The following FANCL variants were observed in gnomAD, a reference collection of about 807,000 sequenced individuals.
The protein encoded by FANCL is E3 ubiquitin-protein ligase FANCL.
FANCL carries 69 observed loss-of-function variants against 59.4 expected under a neutral mutation model. The observed-to-expected ratio is 1.16, with a 90% CI of 0.96 to 1.42. The LOEUF is 1.42. Ranked by LOEUF, FANCL falls within the 40% of genes most tolerant of loss-of-function variation. FANCL has a pLI of 0.00. For synonymous variants in FANCL, 180 were observed against 147.1 expected (o/e 1.22, Z -1.62); for missense variants, 519 against 447.2 (o/e 1.16, Z -1.45).
At chr2:58,187,220 G>A (rs10178325) in intron 7 of FANCL, among the ~76,000 whole-genome samples, 6,228 of 152,108 alleles carry the variant, frequency 0.041, 151 homozygotes, top group East Asian at 0.094. Flanking sequence ...ATACACCATG[G>A]AATACTATGC....
chr2:58,165,662 T>C, intron 8 of FANCL, 62 bp downstream of exon 8: 1 of 1,602,410 alleles, frequency 6.2e-7, no homozygotes, highest in East Asian at 2.2e-5. Flanking sequence ...CATTGTTAGA[T>C]TTATTTTCAT....
chr2:58,160,164 G>A lies in FANCL; in HGVS notation c.1036C>T (p.Leu346=), dbSNP rs1183254036. The A allele has an allele frequency of 6.2e-7, 1 of 1,612,820 alleles. No individual in the cohort carries two copies. The highest frequency in any genetic ancestry group is 1.1e-5 in the South Asian group (1 of 91,064). ...ICLYEWLRGL[L]TSRQSFNIIF... ...ATGTTAAAACTCTGTCTACTAGTTA[G>A]TAGTCCTCTCAGCCACTGCAAATTT... The change falls in exon 13 of 14, where the codon CTA becomes TTA. Residue 346 remains leucine (L), a synonymous_variant. Transcript: ENST00000233741.
At chr2:58,165,289 G>C (rs1326826113) in intron 8 of FANCL, among the ~76,000 whole-genome samples, 2 of 152,056 alleles carry the variant, frequency 1.3e-5, no homozygotes, top group Non-Finnish European at 2.9e-5. Flanking sequence ...TCAGTGGCAT[G>C]GTCTACTGCA....
At chr2:58,162,435 A>G (rs1316885839) in intron 11 of FANCL, among the ~76,000 whole-genome samples, 1 of 151,942 alleles carries the variant, frequency 6.6e-6, no homozygotes, top group African/African-American at 2.4e-5. Context: ...GACCATGAAA[A>G]AAGTATATAG....
At chr2:58,213,904 C>G (rs912036011) in intron 5 of FANCL, among the ~76,000 whole-genome samples, 3 of 152,152 alleles carry the variant, frequency 2.0e-5, no homozygotes, top group African/African-American at 7.2e-5. Context: ...GTGTGACTAT[C>G]TCCAGGTAGT....
intron 5 of FANCL, among the ~76,000 whole-genome samples, chr2:58,211,670 C>T (rs1197507297): frequency 6.7e-6 from 1 of 150,334 alleles, no homozygotes. Context: ...CCCAAGTCAC[C>T]TCTTCAATGT....
chr2:58,190,637 T>C (rs572778461), intron 7 of FANCL, among the ~76,000 whole-genome samples: 4 of 151,686 alleles, frequency 2.6e-5, no homozygotes, highest in Admixed American at 2.6e-4. Flanking sequence ...ATCAATGAAA[T>C]AAAAAAAGAT....
intron 7 of FANCL, among the ~76,000 whole-genome samples, chr2:58,181,923 C>T (rs565374294): frequency 6.6e-6 from 1 of 151,506 alleles, no homozygotes; most frequent in East Asian, 1.9e-4. Context: ...TAATAACTGG[C>T]CTTTTAAAAT....
At chr2:58,193,385 T>A (rs905943888) in intron 7 of FANCL, among the ~76,000 whole-genome samples, 1 of 152,126 alleles carries the variant, frequency 6.6e-6, no homozygotes, top group Non-Finnish European at 1.5e-5. Context: ...CCTCTTTCTC[T>A]TCTTTTTTAG....
rs1466664343 is a variant in FANCL at position 58,226,779 on chromosome 2, C to A, written c.222G>T (p.Met74Ile). ...AGCTCATTAGATCAGGAGAGTGCTG[C>A]ATTCTCTAGATCAAAATATTTCCAA... ...SGYHRIVQQR[M>I]QHSPDLMSFM... The change falls in exon 4 of 14, where the codon ATG becomes ATT. Residue 74 changes from methionine (M) to isoleucine (I), a missense_variant. Met to Ile is a conservative substitution (Grantham distance 10). Coordinates refer to ENST00000233741, the MANE Select transcript of FANCL (RefSeq NM_018062.4). The A allele has an allele frequency of 6.2e-7, 1 of 1,612,322 alleles. No homozygotes were observed. The highest frequency in any genetic ancestry group is 8.5e-7 in the Non-Finnish European group (1 of 1,178,718).
chr2:58,227,663 T>TTG (rs372127636), intron 3 of FANCL, among the ~76,000 whole-genome samples: 2 of 151,708 alleles, frequency 1.3e-5, no homozygotes. Flanking sequence ...GTCCAGCCAC[T>TTG]TGTGTGTGTG....
At chr2:58,218,882 G>A (rs529330955) in intron 5 of FANCL, among the ~76,000 whole-genome samples, 1 of 151,476 alleles carries the variant, frequency 6.6e-6, no homozygotes, top group African/African-American at 2.4e-5. Context: ...CCTTAATACA[G>A]ATATAAATGG....
chr2:58,232,889 T>C (rs990487608), intron 1 of FANCL, among the ~76,000 whole-genome samples: 1 of 152,002 alleles, frequency 6.6e-6, no homozygotes, highest in African/African-American at 2.4e-5. Flanking sequence ...AATCTTTTAC[T>C]CTAACAGAAT....
chr2:58,159,999 T>A, intron 13 of FANCL, 109 bp downstream of exon 13: 3 of 1,558,452 alleles, frequency 1.9e-6, no homozygotes, highest in Non-Finnish European at 2.6e-6. Flanking sequence ...ATACAGAGAA[T>A]GAGTTTCAAA....
At chr2:58,162,761 ATTTTTCTAATTCCCTCC>A (rs1685394019) in intron 11 of FANCL, 88 bp downstream of exon 11, 1 of 1,001,114 alleles carries the variant, frequency 1.0e-6, no homozygotes, top group Non-Finnish European at 1.6e-6. Flanking sequence ...GTGTTATAAT[ATTTTTCTAATTCCCTCC>A]TTTTTCAGCC....
At chr2:58,225,296 TTC>T (rs1042803557) in intron 4 of FANCL, among the ~76,000 whole-genome samples, 13 of 151,864 alleles carry the variant, frequency 8.6e-5, no homozygotes, top group African/African-American at 2.4e-4. Context: ...AAAAATTGGT[TTC>T]TGTTTTAAAA....
chr2:58,210,742 T>C (rs1321407069), intron 5 of FANCL, among the ~76,000 whole-genome samples: 1 of 152,116 alleles, frequency 6.6e-6, no homozygotes, highest in African/African-American at 2.4e-5. Flanking sequence ...ATGGGAGGAA[T>C]TGGCCAAAAC....
At chr2:58,225,031 C>T (rs1035975992) in intron 4 of FANCL, among the ~76,000 whole-genome samples, 6 of 151,410 alleles carry the variant, frequency 4.0e-5, no homozygotes, top group East Asian at 1.9e-4. Flanking sequence ...ATTACAGTTA[C>T]GGAATAAAAT....
Position 58,163,578 on chromosome 2 carries a change from AAAAT to A in FANCL, c.692-65_692-62del. ...AACAGCTCATCAAACAACCCAATAA[AAAAT>A]AAAGAGGTGTTGGTCTGGCTACCTA... On this transcript the variant is annotated intron_variant, in intron 8 of 13. Transcript: ENST00000233741. The A allele has an allele frequency of 4.8e-6, 5 of 1,044,854 alleles. No homozygotes were observed. In the East Asian group the frequency reaches 7.4e-5, roughly 16 times the overall value. The allele number at this position is 1,044,854 out of a possible 1,614,324, so 64.7% of individuals were successfully genotyped here. A position where few individuals can be genotyped will look rare whatever the true frequency, so the allele number is the denominator to read the frequency against.
Sources: allele counts gnomAD v4.1 joint callset (sites outside exome capture counted in the v4.1 genomes callset), GRCh38; gene constraint gnomAD v4.1.1; transcripts MANE v1.5; gene names NCBI Gene and HGNC (gene_info 2026-07-23, HGNC 2026-07-21).